Variants in VPS52 observed in about 807,000 individuals in gnomAD.
The protein encoded by VPS52 is vacuolar protein sorting-associated protein 52 homolog.
A neutral mutation model predicts 98.7 loss-of-function variants in VPS52; 56 were observed. The ratio of observed to expected loss-of-function variants is 0.57; its 90% CI spans 0.46 to 0.71. The LOEUF (loss-of-function observed/expected upper bound fraction) is 0.71, where lower values mean the gene tolerates loss of function less well. VPS52 is among the 30% of genes least tolerant of loss of function. The pLI, the probability that VPS52 is intolerant of heterozygous loss-of-function variation, is 0.00. For missense variants in VPS52, 742 were observed against 925.9 expected (o/e 0.80, Z 2.58); for synonymous variants, 348 against 346.4 (o/e 1.00, Z -0.05).
At chr6:33,262,981 G>T (rs1763806901) in intron 17 of VPS52, among the ~76,000 whole-genome samples, 2 of 152,058 alleles carry the variant, frequency 1.3e-5, no homozygotes, top group African/African-American at 4.8e-5. Context: ...GCACAACAGG[G>T]TGACTATAGT....
intron 1 of VPS52, 35 bp from the exon 2 acceptor site, chr6:33,270,318 G>A: frequency 6.4e-7 from 1 of 1,563,746 alleles, no homozygotes; most frequent in East Asian, 2.3e-5. Flanking sequence ...GTAGGGTACG[G>A]TGAAAGACAG....
chr6:33,271,417 TAGGGTCCCGCTC>T (rs1765053755), intron 1 of VPS52, 157 bp downstream of exon 1: 1 of 980,114 alleles, frequency 1.0e-6, no homozygotes, highest in Non-Finnish European at 1.6e-6. Context: ...TTTCAGCCAC[TAGGGTCCCGCTC>T]AGGGTCGGGT....
At chr6:33,270,125 T>TC in intron 2 of VPS52, 74 bp from the exon 3 acceptor site, 3 of 1,612,672 alleles carry the variant, frequency 1.9e-6, no homozygotes, top group Non-Finnish European at 2.5e-6. Flanking sequence ...TGCACACCAA[T>TC]CCCTACCTTA....
At chr6:33,255,362 C>A (rs556067320) in intron 17 of VPS52, among the ~76,000 whole-genome samples, 2 of 151,890 alleles carry the variant, frequency 1.3e-5, no homozygotes, top group Admixed American at 6.6e-5. Context: ...GCAGAAACAA[C>A]TGGTTTAAGT....
chr6:33,250,738 C>A lies in VPS52; in HGVS notation c.*103G>T. The A allele has an allele frequency of 6.7e-7, 1 of 1,489,302 alleles. No individual in the cohort carries two copies. Among genetic ancestry groups the A allele is most frequent in the Non-Finnish European group, 9.1e-7 (1 of 1,104,412 alleles). 92.3% of individuals were successfully genotyped at this position (1,489,302 alleles called of 1,614,324 possible). A position where few individuals can be genotyped will look rare whatever the true frequency, so the allele number is the denominator to read the frequency against. On this transcript the variant is annotated 3_prime_UTR_variant, in exon 20 of 20. Transcript: ENST00000445902. ...TAAGCCATGTCAAGGGCCTGGGAAGCAAGGGGAAAACTGGAAGGGGTACCC... is the reference window on the plus strand; with the variant it reads ...TAAGCCATGTCAAGGGCCTGGGAAGAAAGGGGAAAACTGGAAGGGGTACCC...
rs191352753 is a variant in VPS52 at position 33,263,641 on chromosome 6, G to A, written c.1729-92C>T. On this transcript the variant is annotated intron_variant, in intron 16 of 19. Coordinates refer to ENST00000445902, the MANE Select transcript of VPS52 (RefSeq NM_022553.6). ...CATTCCACACTTATTGTACTAAGCT[G>A]GACACTGTGCCAGACTCCAAGAGTA... is the stretch of plus-strand genomic sequence containing the variant. The A allele has an allele frequency of 1.3e-3, 2,095 of 1,584,068 alleles. 20 individuals are homozygous for A. The African/African-American group carries it at 0.015, about 11-fold the overall frequency.
chr6:33,270,001 T>G lies in VPS52; in HGVS notation c.226A>C (p.Thr76Pro). Reference protein sequence around the residue: ...EDELVKEALKTGVDLRHYSKQ... With the variant: ...EDELVKEALKPGVDLRHYSKQ... The stretch of plus-strand genomic sequence containing the variant: ...ATTAGTACAGGGGAAAGCCTCACCG[T>G]TTTAAGAGCTTCCTTTACTAACTCA... The change falls in exon 3 of 20, where the codon ACG becomes CCG. Residue 76 changes from threonine (T) to proline (P), a missense_variant and splice_region_variant. Thr to Pro is a conservative substitution (Grantham distance 38). Around this residue, in one of 2 missense-constraint regions of VPS52, gnomAD observed 152 missense variants for 132.6 expected, o/e 1.15. Transcript: ENST00000445902. 1 of 1,614,088 alleles carries G rather than the reference T, an allele frequency of 6.2e-7. No homozygotes were observed. The highest frequency in any genetic ancestry group is 8.5e-7 in the Non-Finnish European group (1 of 1,180,024).
chr6:33,270,018 A>C lies in VPS52; in HGVS notation c.209T>G (p.Val70Gly), dbSNP rs146622652. 3.7e-6 allele frequency: 6 copies of C among 1,614,044 alleles called. No homozygotes were observed. In the African/African-American group the frequency reaches 8.0e-5, roughly 22 times the overall value. The stretch of plus-strand genomic sequence containing the variant: ...CCTCACCGTTTTAAGAGCTTCCTTT[A>C]CTAACTCATCCTCCAGATTTGCCTG... ...HIQANLEDELVKEALKTGVDL... is the reference protein window; with the variant it reads ...HIQANLEDELGKEALKTGVDL... Residue 70 changes from valine to glycine, a missense_variant, in exon 3 of 20, where the codon GTA becomes GGA. Val to Gly is a moderately radical substitution (Grantham distance 109). Around this residue, in one of 2 missense-constraint regions of VPS52, gnomAD observed 152 missense variants for 132.6 expected, o/e 1.15. Transcript: ENST00000445902.
Position 33,269,000 on chromosome 6 carries a change from A to C in VPS52, c.548+14T>G, listed in dbSNP as rs1482609039. 6.2e-7 allele frequency: 1 copy of C among 1,611,484 alleles called. No individual in the cohort carries two copies. Among genetic ancestry groups the C allele is most frequent in the Middle Eastern group, 2.0e-4 (1 of 5,000 alleles). ...CTGCTATGGACATTATAACCCTTCAAACTGGTAACTCACGTGACCAGAGCA... is the reference window on the plus strand; with the variant it reads ...CTGCTATGGACATTATAACCCTTCACACTGGTAACTCACGTGACCAGAGCA... On this transcript the variant is annotated intron_variant, in intron 6 of 19. Coordinates refer to ENST00000445902, the MANE Select transcript of VPS52 (RefSeq NM_022553.6). This position sits in a 1 kb window ranked among gnomAD's most constrained non-coding sequence, Gnocchi z 4.0.
chr6:33,256,224 G>T (rs1463828638), intron 17 of VPS52, among the ~76,000 whole-genome samples: 2 of 151,834 alleles, frequency 1.3e-5, no homozygotes, highest in Non-Finnish European at 2.9e-5. Context: ...GGAGGAGGAG[G>T]CCAGGTGGAG....
In VPS52 at chr6:33,266,726, A is replaced by G. The variant is rs1314165839; in HGVS notation, c.1126-14T>C. The G allele has an allele frequency of 6.3e-7, 1 of 1,595,632 alleles. No individual in the cohort carries two copies. Among genetic ancestry groups the G allele is most frequent in the Non-Finnish European group, 8.5e-7 (1 of 1,171,364 alleles). ...CTCAAATGGATACTGGGAGAGGAGGAGTAAAGAAGAAAAACAGAAGGGATG... is the reference window on the plus strand; with the variant it reads ...CTCAAATGGATACTGGGAGAGGAGGGGTAAAGAAGAAAAACAGAAGGGATG... On this transcript the variant is annotated splice_polypyrimidine_tract_variant and intron_variant, in intron 11 of 19. Transcript: ENST00000445902.
At chr6:33,256,851 AAAAAGAAAAGAAAAAAAAAG>A (rs1464653566) in intron 17 of VPS52, among the ~76,000 whole-genome samples, 1 of 138,492 alleles carries the variant, frequency 7.2e-6, no homozygotes, top group African/African-American at 3.4e-5. Flanking sequence ...AAAAAAAAAA[AAAAAGAAAAGAAAAAAAAAG>A]AAAAGAAAAA....
intron 17 of VPS52, among the ~76,000 whole-genome samples, chr6:33,256,497 A>C (rs1429169189): frequency 7.1e-6 from 1 of 141,826 alleles, no homozygotes; most frequent in Admixed American, 7.0e-5. Flanking sequence ...AAAAAAAAAA[A>C]AAAAAAGGAT....
At chr6:33,258,633 G>GGAGT (rs1340116832) in intron 17 of VPS52, among the ~76,000 whole-genome samples, 2 of 152,232 alleles carry the variant, frequency 1.3e-5, no homozygotes, top group Non-Finnish European at 2.9e-5. Context: ...AACTGAGGCT[G>GGAGT]GAGTGCAGTG....
At chr6:33,261,041 T>C (rs540451490) in intron 17 of VPS52, among the ~76,000 whole-genome samples, 1 of 151,690 alleles carries the variant, frequency 6.6e-6, no homozygotes, top group Non-Finnish European at 1.5e-5. Flanking sequence ...TTGAGGGCAG[T>C]AATTCAAGAC....
At chr6:33,256,064 G>A (rs933701095) in intron 17 of VPS52, among the ~76,000 whole-genome samples, 1 of 151,950 alleles carries the variant, frequency 6.6e-6, no homozygotes, top group Admixed American at 6.6e-5. Flanking sequence ...AGATGTTAAA[G>A]ACAAAAAACT....
chr6:33,269,016 G>A lies in VPS52; in HGVS notation c.546C>T (p.Val182=). ...AACCCTTCAAACTGGTAACTCACGT[G>A]ACCAGAGCAGAAGGCACCACCAGAC... is the stretch of plus-strand genomic sequence containing the variant. The part of the protein sequence containing the change: ...VDGLVVPSAL[V]TAILEAPVTE... Residue 182 remains valine (V), a splice_region_variant and synonymous_variant, in exon 6 of 20, where the codon GTC becomes GTT. Coordinates refer to ENST00000445902, the MANE Select transcript of VPS52 (RefSeq NM_022553.6). The A allele has an allele frequency of 6.2e-7, 1 of 1,612,040 alleles. No homozygotes were observed. The highest frequency in any genetic ancestry group is 1.3e-5 in the African/African-American group (1 of 74,984).
chr6:33,268,105 G>A lies in VPS52; in HGVS notation c.800+3C>T, dbSNP rs1374077963. On this transcript the variant is annotated splice_donor_region_variant and intron_variant, in intron 8 of 19. Coordinates refer to ENST00000445902, the MANE Select transcript of VPS52 (RefSeq NM_022553.6). This position sits in a 1 kb window ranked among gnomAD's most constrained non-coding sequence, Gnocchi z 4.0. ...ATCCCATGCACTTCCTTGGGGTTGTGACCTGTACTTCAGCAGGGCCGTCTG... is the reference window on the plus strand; with the variant it reads ...ATCCCATGCACTTCCTTGGGGTTGTAACCTGTACTTCAGCAGGGCCGTCTG... 13 of 1,613,098 alleles carry A rather than the reference G, an allele frequency of 8.1e-6. No individual in the cohort carries two copies. In the South Asian group the frequency reaches 1.4e-4, roughly 18 times the overall value.
At chr6:33,265,478 C>A (rs1764196768) in intron 12 of VPS52, among the ~76,000 whole-genome samples, 1 of 152,178 alleles carries the variant, frequency 6.6e-6, no homozygotes, top group African/African-American at 2.4e-5. Context: ...GTGATGTTCC[C>A]ACCTCAGCCT....
Sources: allele counts gnomAD v4.1 joint callset (sites outside exome capture counted in the v4.1 genomes callset), GRCh38; gene constraint gnomAD v4.1.1; regional missense constraint gnomAD v4.1.1; non-coding constraint Gnocchi (gnomAD v3.1); transcripts MANE v1.5; gene names NCBI Gene and HGNC (gene_info 2026-07-23, HGNC 2026-07-21).